MAP3K2: variants seen among roughly 807,000 people sequenced by gnomAD.
MAP3K2 encodes the protein MAP/ERK kinase kinase 2.
A neutral mutation model predicts 80.3 loss-of-function variants in MAP3K2; 24 were observed. The observed-to-expected ratio is 0.30, with a 90% CI of 0.22 to 0.42. The LOEUF (loss-of-function observed/expected upper bound fraction) is 0.42. MAP3K2 is among the 10% of genes least tolerant of loss of function. The pLI is 1.00. For synonymous variants in MAP3K2, 244 were observed against 253.7 expected, an observed-to-expected ratio of 0.96 and a Z score of 0.36; for missense variants, 608 against 750.1, an observed-to-expected ratio of 0.81 and a Z score of 2.21.
At position 127,339,079 on chromosome 2, in the gene MAP3K2, A is replaced by G. The variant is rs955254249; in HGVS notation, c.5-29T>C. ...GGTAGTTTTGAAACAACACATACAT[A>G]GAATTGTAATTGTGACATATATATC... On this transcript the variant is annotated intron_variant, in intron 2 of 16. Transcript: ENST00000682094. The surrounding 1 kb of genome is among the most constrained non-coding windows in gnomAD (Gnocchi z 4.2). The G allele has an allele frequency of 9.7e-6, 13 of 1,345,566 alleles. No homozygotes were observed. Among genetic ancestry groups the G allele is most frequent in the Non-Finnish European group, 1.4e-5 (13 of 951,466 alleles). The allele number at this position is 1,345,566 out of a possible 1,614,324, so 83.4% of individuals were successfully genotyped here.
chr2:127,320,469 G>A (rs1283251329), intron 12 of MAP3K2, among the ~76,000 whole-genome samples: 1 of 152,036 alleles, frequency 6.6e-6, no homozygotes, highest in Non-Finnish European at 1.5e-5. Context: ...GAGGGAGAGA[G>A]AGAGACAACA....
intron 5 of MAP3K2, among the ~76,000 whole-genome samples, chr2:127,334,321 T>C (rs968320164): frequency 6.6e-6 from 1 of 152,206 alleles, no homozygotes. Context: ...TCTTAATGTA[T>C]CTTGGCATTT....
intron 1 of MAP3K2, among the ~76,000 whole-genome samples, chr2:127,355,671 A>G (rs1454125106): frequency 6.6e-6 from 1 of 152,146 alleles, no homozygotes; most frequent in African/African-American, 2.4e-5. Context: ...TGGGGTGACT[A>G]GGGCAATTTC....
intron 2 of MAP3K2, among the ~76,000 whole-genome samples, chr2:127,340,937 A>C (rs1379238464): frequency 6.6e-6 from 1 of 151,950 alleles, no homozygotes; most frequent in Non-Finnish European, 1.5e-5. Context: ...GCCTTGGGGG[A>C]GGGCCTTTGG....
intron 5 of MAP3K2, among the ~76,000 whole-genome samples, chr2:127,331,157 T>C (rs1181941648): frequency 2.0e-5 from 3 of 152,178 alleles, no homozygotes; most frequent in Non-Finnish European, 2.9e-5. Flanking sequence ...AGTCTTCTCA[T>C]GCAGCAGATG....
At chr2:127,343,255 GA>G (rs962483218) in intron 1 of MAP3K2, 61 bp from the exon 2 acceptor site, 1,243 of 589,550 alleles carry the variant, frequency 2.1e-3, no homozygotes, top group South Asian at 5.0e-3. Flanking sequence ...GCCAGGAAAA[GA>G]AAAAAAAAAG....
chr2:127,356,768 T>C (rs1686804664), intron 1 of MAP3K2, among the ~76,000 whole-genome samples: 1 of 152,208 alleles, frequency 6.6e-6, no homozygotes, highest in Admixed American at 6.5e-5. Flanking sequence ...TGTGAAATTA[T>C]GAAATTACGA....
At chr2:127,318,022 CA>C in intron 13 of MAP3K2, 146 bp downstream of exon 13, 2 of 699,628 alleles carry the variant, frequency 2.9e-6, no homozygotes. Flanking sequence ...ATCTGTTTTA[CA>C]AATAATTTAT....
intron 1 of MAP3K2, among the ~76,000 whole-genome samples, chr2:127,372,632 T>C (rs1558990449): frequency 6.6e-6 from 1 of 152,146 alleles, no homozygotes. Flanking sequence ...TGTTAACCTT[T>C]GGGGACGGGA....
intron 1 of MAP3K2, among the ~76,000 whole-genome samples, chr2:127,365,628 T>A (rs1455574865): frequency 1.3e-5 from 2 of 152,146 alleles, no homozygotes; most frequent in African/African-American, 4.8e-5. Flanking sequence ...AAAGCTTGAC[T>A]GAGGACCACA....
At chr2:127,314,998 G>T in intron 14 of MAP3K2, 115 bp from the exon 15 acceptor site, 1 of 691,226 alleles carries the variant, frequency 1.4e-6, no homozygotes, top group Non-Finnish European at 2.4e-6. Flanking sequence ...GTCTAAGCAT[G>T]TCCTACTTGA....
intron 1 of MAP3K2, among the ~76,000 whole-genome samples, chr2:127,368,416 T>C (rs1046090115): frequency 6.6e-6 from 1 of 151,036 alleles, no homozygotes; most frequent in Non-Finnish European, 1.5e-5. Flanking sequence ...AGGTCTGGAG[T>C]TCGAAACCAT....
At chr2:127,378,967 T>C (rs1188017173) in intron 1 of MAP3K2, among the ~76,000 whole-genome samples, 4 of 143,638 alleles carry the variant, frequency 2.8e-5, no homozygotes, top group Non-Finnish European at 4.5e-5. Context: ...GCTAATTTTG[T>C]GGGGTTTTTT....
chr2:127,358,557 T>C (rs1404156887), intron 1 of MAP3K2, among the ~76,000 whole-genome samples: 1 of 151,862 alleles, frequency 6.6e-6, no homozygotes, highest in Non-Finnish European at 1.5e-5. Context: ...AAGTGTGGCA[T>C]ATCCATATGA....
At chr2:127,385,105 ACT>A (rs1687320808) in intron 1 of MAP3K2, among the ~76,000 whole-genome samples, 1 of 147,384 alleles carries the variant, frequency 6.8e-6, no homozygotes, top group South Asian at 2.2e-4. Flanking sequence ...GAAAGGACTG[ACT>A]CCAATTTTGA....
intron 1 of MAP3K2, among the ~76,000 whole-genome samples, chr2:127,360,214 C>A (rs992406184): frequency 6.6e-6 from 1 of 152,138 alleles, no homozygotes; most frequent in South Asian, 2.1e-4. Context: ...TTGATACATA[C>A]AATAATACGG....
In MAP3K2 at chr2:127,308,578, A is replaced by C. The variant is rs1469989320; in HGVS notation, c.1634+7T>G. ...GGTTTTCAAGCAAACTTCGTATCAA[A>C]ACCTACCAGATGTCTGCTTTTCTTC... On this transcript the variant is annotated splice_region_variant and intron_variant, in intron 16 of 16. Coordinates refer to ENST00000682094, the MANE Select transcript of MAP3K2 (RefSeq NM_001371910.2). 15 of 1,545,768 alleles carry C rather than the reference A, an allele frequency of 9.7e-6. No individual in the cohort carries two copies. Among genetic ancestry groups the C allele is most frequent in the Non-Finnish European group, 1.2e-5 (14 of 1,136,972 alleles).
Position 127,322,103 on chromosome 2 carries a change from C to T in MAP3K2, c.988G>A (p.Gly330Arg). Reference sequence around the variant, plus strand: ...AAAGTAGGATTGTCTATGTCACTTCCCCTTCTTCTTATTCGACTATCATCA... The same window carrying T: ...AAAGTAGGATTGTCTATGTCACTTCTCCTTCTTCTTATTCGACTATCATCA... ...EYDDSRIRRRGSDIDNPTLTV... is the reference protein window; with the variant it reads ...EYDDSRIRRRRSDIDNPTLTV... Residue 330 changes from glycine (G) to arginine (R), a missense_variant, in exon 12 of 17, where the codon GGA becomes AGA. By Grantham distance (125) the Gly-to-Arg change is moderately radical (BLOSUM62 -2). Coordinates refer to ENST00000682094, the MANE Select transcript of MAP3K2 (RefSeq NM_001371910.2). This position sits in a 1 kb window ranked among gnomAD's most constrained non-coding sequence, Gnocchi z 4.2. 1 of 1,613,814 alleles carries T rather than the reference C, an allele frequency of 6.2e-7. No homozygotes were observed. The highest frequency in any genetic ancestry group is 8.5e-7 in the Non-Finnish European group (1 of 1,179,818).
chr2:127,380,173 T>A (rs1412191231), intron 1 of MAP3K2, among the ~76,000 whole-genome samples: 1 of 152,158 alleles, frequency 6.6e-6, no homozygotes, highest in South Asian at 2.1e-4. Flanking sequence ...TGCTAGGTAC[T>A]GGAGTACCAA....
Sources: allele counts gnomAD v4.1 joint callset (sites outside exome capture counted in the v4.1 genomes callset), GRCh38; gene constraint gnomAD v4.1.1; non-coding constraint Gnocchi (gnomAD v3.1); transcripts MANE v1.5; gene names NCBI Gene and HGNC (gene_info 2026-07-23, HGNC 2026-07-21).